IFIT3: variants seen among roughly 807,000 people sequenced by gnomAD.
IFIT3 encodes interferon induced protein with tetratricopeptide repeats 3, also known as interferon-induced protein with tetratricopeptide repeats 3.
Under a neutral mutation model 2.4 loss-of-function variants are expected in IFIT3, and 2 were observed. The ratio of observed to expected loss-of-function variants is 0.82; its 90% CI spans 0.34 to 2.60. The LOEUF (loss-of-function observed/expected upper bound fraction) is 2.60, where lower values mean the gene tolerates loss of function less well. IFIT3 is among the 30% of genes most tolerant of loss of function. The pLI is 0.11. For missense variants in IFIT3, 481 were observed against 562.4 expected (o/e 0.86, Z 1.46); for synonymous variants, 203 against 212.1 (o/e 0.96, Z 0.37).
At chr10:89,336,587 T>C (rs950250001) in intron 1 of IFIT3, among the ~76,000 whole-genome samples, 3 of 152,262 alleles carry the variant, frequency 2.0e-5, no homozygotes. Flanking sequence ...CAATGGCTCC[T>C]TGTAGAACAA....
Position 89,334,038 on chromosome 10 carries a change from A to C in IFIT3, c.6-4623A>C, listed in dbSNP as rs140278609. On this transcript the variant is annotated intron_variant, in intron 1 of 1. Coordinates refer to ENST00000371818, the MANE Select transcript of IFIT3 (RefSeq NM_001549.6). The stretch of plus-strand genomic sequence containing the variant: ...CCAGTTCCTTCACGTAGTCAGTTGG[A>C]GCATAACCAGCACATGCTGGGGACA... Among the ~76,000 whole-genome samples, 262 of 152,312 alleles carry C rather than the reference A, an allele frequency of 1.7e-3. 5 individuals are homozygous for C. The East Asian group carries it at 0.043, about 25-fold the overall frequency.
chr10:89,339,726 G>A lies in IFIT3; in HGVS notation c.1071G>A (p.Lys357=), dbSNP rs760737012. The change falls in exon 2 of 2, where the codon AAG becomes AAA. Residue 357 remains lysine, a synonymous_variant. Transcript: ENST00000371818. ...ATAAGGAAGTCCCTGATGCTGAAAA[G>A]CAACAATCCCATCAGCGCTACTGCA... ...PFNKEVPDAE[K]QQSHQRYCNL... is the part of the protein sequence containing the mutation. 1 of 1,614,196 alleles carries A rather than the reference G, an allele frequency of 6.2e-7. No homozygotes were observed. The highest frequency in any genetic ancestry group is 8.5e-7 in the Non-Finnish European group (1 of 1,180,022).
Position 89,339,728 on chromosome 10 carries a change from A to G in IFIT3, c.1073A>G (p.Gln358Arg), listed in dbSNP as rs984916594. The change falls in exon 2 of 2, where the codon CAA becomes CGA. Residue 358 changes from glutamine to arginine, a missense_variant. Physicochemically the swap from Gln to Arg is conservative, Grantham distance 43. Coordinates refer to ENST00000371818, the MANE Select transcript of IFIT3 (RefSeq NM_001549.6). ...FNKEVPDAEK[Q>R]QSHQRYCNLQ... The stretch of plus-strand genomic sequence containing the variant: ...AAGGAAGTCCCTGATGCTGAAAAGC[A>G]ACAATCCCATCAGCGCTACTGCAAC... The G allele has an allele frequency of 6.2e-7, 1 of 1,614,142 alleles. No individual in the cohort carries two copies. Among genetic ancestry groups the G allele is most frequent in the African/African-American group, 1.3e-5 (1 of 74,956 alleles).
intron 1 of IFIT3, among the ~76,000 whole-genome samples, chr10:89,336,265 A>G (rs575820055): frequency 1.1e-4 from 17 of 152,080 alleles, no homozygotes; most frequent in African/African-American, 2.9e-4. Flanking sequence ...GAAGGACCCT[A>G]TAATAGACAG....
intron 1 of IFIT3, among the ~76,000 whole-genome samples, chr10:89,331,925 G>A (rs987595883): frequency 1.3e-5 from 2 of 150,668 alleles, no homozygotes; most frequent in Admixed American, 6.6e-5. Flanking sequence ...TGAGGTCTAC[G>A]TTTTAATAAA....
At chr10:89,332,474 T>A (rs10509570) in intron 1 of IFIT3, 93,250 of 1,520,606 alleles carry the variant, frequency 0.061, 3,688 homozygotes, top group South Asian at 0.17. Context: ...TAGGGTTCCA[T>A]CAGTTTCACT....
chr10:89,330,651 A>G (rs1267147852), intron 1 of IFIT3, among the ~76,000 whole-genome samples: 1 of 152,206 alleles, frequency 6.6e-6, no homozygotes, highest in Non-Finnish European at 1.5e-5. Flanking sequence ...CATTTTAAGG[A>G]TAAGGGAATG....
intron 1 of IFIT3, among the ~76,000 whole-genome samples, chr10:89,334,460 T>A (rs1425461976): frequency 6.7e-6 from 1 of 149,102 alleles, no homozygotes; most frequent in Non-Finnish European, 1.5e-5. Flanking sequence ...TTCTGTTTTT[T>A]CTTCTTTTTC....
chr10:89,331,156 TTGTTGTTGTTTTTGTTGTTGC>T (rs549098781), intron 1 of IFIT3, among the ~76,000 whole-genome samples: 49 of 151,908 alleles, frequency 3.2e-4, no homozygotes, highest in South Asian at 1.0e-3. Flanking sequence ...ACTTCTCTTG[TTGTTGTTGTTTTTGTTGTTGC>T]TGTTGTTGTT....
At chr10:89,331,624 C>A (rs989757173) in intron 1 of IFIT3, among the ~76,000 whole-genome samples, 5 of 152,064 alleles carry the variant, frequency 3.3e-5, no homozygotes, top group Non-Finnish European at 7.4e-5. Context: ...CTTTGGGAGG[C>A]CGAGGAGGGC....
chr10:89,335,761 C>T lies in IFIT3; in HGVS notation c.6-2900C>T, dbSNP rs148136611. ...ATACATTCTATTGATCTGAGACTCACACTTTCTCCTTTTAACCTTCCTAAT... is the reference window on the plus strand; with the variant it reads ...ATACATTCTATTGATCTGAGACTCATACTTTCTCCTTTTAACCTTCCTAAT... On this transcript the variant is annotated intron_variant, in intron 1 of 1. Transcript: ENST00000371818. 5.7e-3 allele frequency among the ~76,000 whole-genome samples: 873 copies of T among 152,292 alleles called. 3 individuals carry two copies. The highest frequency in any genetic ancestry group is 0.027 in the Middle Eastern group (8 of 294).
Position 89,339,452 on chromosome 10 carries a change from G to T in IFIT3, c.797G>T (p.Arg266Leu). Residue 266 changes from arginine to leucine, a missense_variant, in exon 2 of 2, where the codon CGG (arginine) becomes CTG (leucine). Coordinates refer to ENST00000371818, the MANE Select transcript of IFIT3 (RefSeq NM_001549.6). The stretch of plus-strand genomic sequence containing the variant: ...GACAAAGCTATTGAACTGTTTCAAC[G>T]GGTGTTGGAATCCACACCAAACAAT... ...DLDKAIELFQRVLESTPNNGY... is the reference protein window; with the variant it reads ...DLDKAIELFQLVLESTPNNGY... 6.2e-7 allele frequency: 1 copy of T among 1,614,090 alleles called. No homozygotes were observed. The highest frequency in any genetic ancestry group is 8.5e-7 in the Non-Finnish European group (1 of 1,180,006).
chr10:89,329,224 AAGATG>A (rs1300498632), intron 1 of IFIT3, among the ~76,000 whole-genome samples: 5 of 152,168 alleles, frequency 3.3e-5, no homozygotes, highest in Admixed American at 1.3e-4. Flanking sequence ...CAAGGACTTG[AAGATG>A]CTCTGCAATG....
rs756921367 is a variant in IFIT3 at position 89,339,464 on chromosome 10, CCACACCAAACAATGGCTACCTCTAT to C, written c.813_837del (p.Pro272ArgfsTer10). 52 of 1,614,030 alleles carry C rather than the reference CCACACCAAACAATGGCTACCTCTAT, an allele frequency of 3.2e-5. No individual in the cohort carries two copies. The highest frequency in any genetic ancestry group is 3.6e-5 in the Non-Finnish European group (42 of 1,180,026). ...GAACTGTTTCAACGGGTGTTGGAAT[CCACACCAAACAATGGCTACCTCTAT>C]CACCAGATTGGGTGCTGCTACAAGG... On this transcript the variant is annotated frameshift_variant, in exon 2 of 2. Transcript: ENST00000371818. LOFTEE classifies it low-confidence loss of function (END_TRUNC).
rs900545232 is a variant in IFIT3 at position 89,338,554 on chromosome 10, T to C, written c.6-107T>C. ...TACCCAGAAATAATGTTGGACCAAA[T>C]ATCTGGGCATCCTGTGGCCCAGTTC... On this transcript the variant is annotated intron_variant, in intron 1 of 1. Transcript: ENST00000371818. The C allele has an allele frequency of 5.6e-6, 6 of 1,062,750 alleles. 1 individual carries two copies. The Admixed American group carries it at 9.4e-5, about 17-fold the overall frequency. 65.8% of individuals were successfully genotyped at this position (1,062,750 alleles called of 1,614,324 possible). A position where few individuals can be genotyped will look rare whatever the true frequency, so the allele number is the denominator to read the frequency against.
At chr10:89,338,555 A>G (rs941930167) in intron 1 of IFIT3, 106 bp from the exon 2 acceptor site, 28 of 1,067,254 alleles carry the variant, frequency 2.6e-5, no homozygotes, top group Admixed American at 9.4e-5. Context: ...TGGACCAAAT[A>G]TCTGGGCATC....
chr10:89,337,597 G>A (rs984952028), intron 1 of IFIT3, among the ~76,000 whole-genome samples: 18 of 152,170 alleles, frequency 1.2e-4, no homozygotes, highest in African/African-American at 3.9e-4. Flanking sequence ...GCAGGCTTTC[G>A]CCATGTTGCC....
rs1843615570 is a variant in IFIT3, at chr10:89,328,031, T to C, written c.-43T>C. 3 of 1,613,040 alleles carry C rather than the reference T, an allele frequency of 1.9e-6. No individual in the cohort carries two copies. The highest frequency in any genetic ancestry group is 2.5e-6 in the Non-Finnish European group (3 of 1,179,184). The stretch of plus-strand genomic sequence containing the variant: ...AAGACTTCTGAAGAACAAATCAGCC[T>C]GGTCACCAGCTTTTCGGAACAGCAG... On this transcript the variant is annotated 5_prime_UTR_variant, in exon 1 of 2. Coordinates refer to ENST00000371818, the MANE Select transcript of IFIT3 (RefSeq NM_001549.6).
intron 1 of IFIT3, chr10:89,332,404 G>C: frequency 1.8e-6 from 2 of 1,112,288 alleles, no homozygotes; most frequent in East Asian, 5.5e-5. Context: ...CATGTTCCTG[G>C]CGTGAGTGAG....
Sources: gnomAD v4.1 joint callset for allele counts (sites outside exome capture counted in the v4.1 genomes callset) on GRCh38, gnomAD v4.1.1 for gene constraint, MANE v1.5 for transcripts, NCBI Gene and HGNC (gene_info 2026-07-23, HGNC 2026-07-21) for gene names.